Variants in KIF16B observed in about 807,000 individuals in gnomAD.
KIF16B encodes kinesin-like protein KIF16B.
Under a neutral mutation model 156.3 loss-of-function variants are expected in KIF16B, and 98 were observed. That is an observed-to-expected ratio of 0.63 (90% CI 0.53 to 0.74). The LOEUF (loss-of-function observed/expected upper bound fraction) is 0.74. Among genes scored for constraint, KIF16B ranks in the 30% least tolerant of loss-of-function variants. KIF16B has a pLI of 0.00. For synonymous variants in KIF16B, 564 were observed against 583.7 expected (o/e 0.97, Z 0.49); for missense variants, 1,421 against 1,606.5 (o/e 0.88, Z 1.97).
At chr20:16,388,185 A>G (rs552322893) in intron 17 of KIF16B, among the ~76,000 whole-genome samples, 10 of 152,256 alleles carry the variant, frequency 6.6e-5, no homozygotes, top group Non-Finnish European at 1.3e-4. Flanking sequence ...AATCACAAAC[A>G]GTATGAGGGG....
chr20:16,298,941 G>A (rs1028590671), intron 25 of KIF16B, among the ~76,000 whole-genome samples: 7 of 151,880 alleles, frequency 4.6e-5, no homozygotes, highest in African/African-American at 7.3e-5. Flanking sequence ...CCTACAGATT[G>A]TAAGAAACCA....
At chr20:16,368,413 G>T in intron 22 of KIF16B, 1 of 987,678 alleles carries the variant, frequency 1.0e-6, no homozygotes, top group Non-Finnish European at 1.2e-6. Context: ...AGTCTTCAAG[G>T]GCATGTGTGG....
intron 1 of KIF16B, among the ~76,000 whole-genome samples, chr20:16,564,800 C>T (rs528059297): frequency 6.6e-6 from 1 of 152,230 alleles, no homozygotes; most frequent in South Asian, 2.1e-4. Flanking sequence ...AATGCCCTCA[C>T]AGCCCAATCA....
chr20:16,289,373 T>C (rs1392080191), intron 25 of KIF16B, among the ~76,000 whole-genome samples: 1 of 152,200 alleles, frequency 6.6e-6, no homozygotes, highest in African/African-American at 2.4e-5. Context: ...ATGTTAATTT[T>C]CCCCTCTTTT....
At chr20:16,442,430 T>TAC (rs1555773763) in intron 12 of KIF16B, among the ~76,000 whole-genome samples, 1 of 151,166 alleles carries the variant, frequency 6.6e-6, no homozygotes, top group Non-Finnish European at 1.5e-5. Context: ...TATATATATA[T>TAC]ACATGATGAA....
At chr20:16,373,059 A>C (rs924127001) in intron 20 of KIF16B, among the ~76,000 whole-genome samples, 1 of 152,250 alleles carries the variant, frequency 6.6e-6, no homozygotes, top group Non-Finnish European at 1.5e-5. Context: ...CACTAAATAA[A>C]TAAGTAAATC....
At chr20:16,467,755 C>G (rs1329410525) in intron 12 of KIF16B, among the ~76,000 whole-genome samples, 4 of 151,222 alleles carry the variant, frequency 2.6e-5, no homozygotes, top group Non-Finnish European at 5.9e-5. Context: ...ATCCTGTACC[C>G]TGTGGAACTG....
Position 16,350,794 on chromosome 20 carries a change from G to A in KIF16B, c.3621+5536C>T, listed in dbSNP as rs557301042. Reference sequence around the variant, plus strand: ...CAGTCATCACCGAAGCGCCAGACAGGCTGTGCCTAATGAGAGCACCTGTGG... The same window carrying A: ...CAGTCATCACCGAAGCGCCAGACAGACTGTGCCTAATGAGAGCACCTGTGG... On this transcript the variant is annotated intron_variant, in intron 23 of 25. Transcript: ENST00000354981. Among the ~76,000 whole-genome samples the A allele has an allele frequency of 5.9e-5, 9 of 151,778 alleles. No homozygotes were observed. In the South Asian group the frequency reaches 1.9e-3, roughly 32 times the overall value.
chr20:16,356,524 G>A (rs1475480200), intron 22 of KIF16B, 72 bp from the exon 23 acceptor site: 2 of 1,544,314 alleles, frequency 1.3e-6, no homozygotes, highest in African/African-American at 2.7e-5. Flanking sequence ...TCCTGCTCGG[G>A]TAGGAGGGAG....
chr20:16,498,445 G>T (rs1319996934), intron 10 of KIF16B, among the ~76,000 whole-genome samples: 1 of 152,064 alleles, frequency 6.6e-6, no homozygotes, highest in African/African-American at 2.4e-5. Context: ...TCCCAATTTG[G>T]TTGTGTAAAC....
intron 15 of KIF16B, among the ~76,000 whole-genome samples, chr20:16,420,379 G>A (rs747675566): frequency 8.5e-5 from 13 of 152,062 alleles, no homozygotes; most frequent in African/African-American, 1.4e-4. Context: ...TCACATATAT[G>A]GTAAGTAATT....
intron 24 of KIF16B, among the ~76,000 whole-genome samples, chr20:16,325,590 G>A (rs575223144): frequency 7.4e-4 from 111 of 149,660 alleles, no homozygotes; most frequent in Admixed American, 1.3e-3. Flanking sequence ...ATGTGAATAG[G>A]AAGTGAAAGA....
chr20:16,454,492 C>T (rs548147765), intron 12 of KIF16B, among the ~76,000 whole-genome samples: 4 of 151,566 alleles, frequency 2.6e-5, no homozygotes, highest in Non-Finnish European at 4.4e-5. Context: ...TACAGATAAA[C>T]CTTACTTTTA....
intron 22 of KIF16B, 62 bp downstream of exon 22, chr20:16,370,524 G>T (rs976564327): frequency 3.8e-6 from 5 of 1,332,112 alleles, no homozygotes; most frequent in Non-Finnish European, 5.1e-6. Context: ...TTAAGAAAAT[G>T]TAATCACATG....
intron 3 of KIF16B, among the ~76,000 whole-genome samples, chr20:16,521,706 A>G (rs2069357815): frequency 6.6e-6 from 1 of 152,202 alleles, no homozygotes; most frequent in Admixed American, 6.5e-5. Context: ...GCAAAACCCA[A>G]GACACATAAT....
At chr20:16,519,681 G>T (rs1036464278) in intron 3 of KIF16B, among the ~76,000 whole-genome samples, 2 of 152,212 alleles carry the variant, frequency 1.3e-5, no homozygotes, top group Non-Finnish European at 2.9e-5. Flanking sequence ...CTGGTGCATG[G>T]ACACATTTCA....
At chr20:16,438,284 C>T (rs549928263) in intron 12 of KIF16B, among the ~76,000 whole-genome samples, 6 of 152,242 alleles carry the variant, frequency 3.9e-5, no homozygotes, top group South Asian at 2.1e-4. Context: ...TTGCTTTCCC[C>T]GGTTTCAGTT....
chr20:16,442,073 G>C (rs1394744390), intron 12 of KIF16B, among the ~76,000 whole-genome samples: 4 of 152,124 alleles, frequency 2.6e-5, no homozygotes, highest in Non-Finnish European at 5.9e-5. Context: ...AGTGAACTCA[G>C]ACAAATTGAC....
At chr20:16,282,032 CTTT>C (rs11478755) in intron 25 of KIF16B, among the ~76,000 whole-genome samples, 14 of 120,838 alleles carry the variant, frequency 1.2e-4, no homozygotes, top group East Asian at 3.1e-4. Flanking sequence ...TTTTCTGTTT[CTTT>C]TTTTTTTTTT....
Sources: allele counts gnomAD v4.1 joint callset (sites outside exome capture counted in the v4.1 genomes callset), GRCh38; gene constraint gnomAD v4.1.1; transcripts MANE v1.5; gene names NCBI Gene and HGNC (gene_info 2026-07-23, HGNC 2026-07-21).